SULT2A1: variants seen among roughly 807,000 people sequenced by gnomAD.
SULT2A1 encodes sulfotransferase family 2A member 1.
In SULT2A1, 43 loss-of-function variants were observed where a neutral mutation model predicts 33.9. That is an observed-to-expected ratio of 1.27 (90% CI 1.00 to 1.64). The LOEUF is 1.64. Among genes scored for constraint, SULT2A1 ranks in the 40% most tolerant of loss-of-function variants. The pLI, the probability that SULT2A1 is intolerant of heterozygous loss-of-function variation, is 0.00. For missense variants in SULT2A1, 300 were observed against 335.1 expected (o/e 0.90, Z 0.82); for synonymous variants, 125 against 113.6 (o/e 1.10, Z -0.64).
chr19:47,875,629 C>T (rs1254722569), intron 4 of SULT2A1, among the ~76,000 whole-genome samples: 3 of 152,004 alleles, frequency 2.0e-5, no homozygotes, highest in East Asian at 1.9e-4. Context: ...TGGAGTGAGA[C>T]CCTGTCTCAA....
At chr19:47,872,233 T>G (rs1968499780) in intron 5 of SULT2A1, among the ~76,000 whole-genome samples, 1 of 152,128 alleles carries the variant, frequency 6.6e-6, no homozygotes, top group African/African-American at 2.4e-5. Context: ...TCTGCTTTCA[T>G]AAGTTCTCTT....
intron 5 of SULT2A1, 149 bp downstream of exon 5, chr19:47,874,508 C>G: frequency 1.5e-6 from 1 of 645,342 alleles, no homozygotes; most frequent in Non-Finnish European, 2.5e-6. Context: ...CCACTGCACT[C>G]CAGCCTGGGT....
intron 1 of SULT2A1, among the ~76,000 whole-genome samples, chr19:47,884,875 T>C (rs538521239): frequency 7.3e-6 from 1 of 137,170 alleles, no homozygotes; most frequent in East Asian, 2.4e-4. Context: ...TGCAGTGGCA[T>C]GATCTTGGCT....
chr19:47,877,644 G>A (rs1197925474), intron 4 of SULT2A1, among the ~76,000 whole-genome samples: 1 of 151,082 alleles, frequency 6.6e-6, no homozygotes, highest in African/African-American at 2.4e-5. Context: ...CTTCCTCCTG[G>A]GTTCAAGTGA....
At chr19:47,884,203 G>C (rs1388922735) in intron 1 of SULT2A1, among the ~76,000 whole-genome samples, 3 of 149,222 alleles carry the variant, frequency 2.0e-5, no homozygotes, top group Non-Finnish European at 4.4e-5. Flanking sequence ...ACAGAGTCTT[G>C]CTCTGTCACC....
chr19:47,883,481 A>G, intron 2 of SULT2A1, 96 bp downstream of exon 2: 1 of 1,224,840 alleles, frequency 8.2e-7, no homozygotes, highest in Admixed American at 1.9e-5. Flanking sequence ...GACCTGTTGA[A>G]GGAGAATGCA....
chr19:47,883,889 T>C (rs560485849), intron 1 of SULT2A1, 104 bp from the exon 2 acceptor site: 2 of 1,048,454 alleles, frequency 1.9e-6, no homozygotes, highest in Non-Finnish European at 1.4e-6. Flanking sequence ...CAAGTGATCA[T>C]GAGGTCAGGG....
rs188803084 is a variant in SULT2A1 at position 47,879,673 on chromosome 19, G to T, written c.473-543C>A. ...AAACCATCATTCTGAGCAAACTATC[G>T]CAAGGACAGAAAACCAAACACCACA... On this transcript the variant is annotated intron_variant, in intron 3 of 5. Transcript: ENST00000222002. Among the ~76,000 whole-genome samples the T allele has an allele frequency of 5.3e-5, 8 of 151,142 alleles. No individual in the cohort carries two copies. The East Asian group carries it at 5.9e-4, about 11-fold the overall frequency.
Position 47,886,107 on chromosome 19 carries a change from A to T in SULT2A1, c.136+15T>A, listed in dbSNP as rs1314474353. On this transcript the variant is annotated intron_variant, in intron 1 of 5. Transcript: ENST00000222002. ...CAACCACAGCCTTTCTCAGTTCACG[A>T]TTCTGCCTCCTTACCTGATTTGGGG... 6.2e-7 allele frequency: 1 copy of T among 1,612,668 alleles called. No homozygotes were observed.
chr19:47,877,903 C>T (rs995372035), intron 4 of SULT2A1, among the ~76,000 whole-genome samples: 1 of 152,184 alleles, frequency 6.6e-6, no homozygotes, highest in Non-Finnish European at 1.5e-5. Context: ...ACAGCTTTTC[C>T]TCTCCGTCAC....
chr19:47,871,509 T>C lies in SULT2A1; in HGVS notation c.804A>G (p.Lys268=). The C allele has an allele frequency of 6.2e-7, 1 of 1,614,020 alleles. No individual in the cohort carries two copies. The highest frequency in any genetic ancestry group is 8.5e-7 in the Non-Finnish European group (1 of 1,180,010). ...FTVAQAEDFD[K]LFQEKMADLP... is the part of the protein sequence containing the mutation. ...GATCTGCCATCTTCTCTTGGAACAA[T>C]TTATCAAAGTCTTCAGCTTGGGCCA... The change falls in exon 6 of 6, where the codon AAA becomes AAG. Residue 268 remains lysine (K), a synonymous_variant. Transcript: ENST00000222002.
chr19:47,884,472 C>T (rs1457006490), intron 1 of SULT2A1, among the ~76,000 whole-genome samples: 3 of 108,512 alleles, frequency 2.8e-5, no homozygotes, highest in Non-Finnish European at 5.4e-5. Context: ...GCCACTGCGC[C>T]TGGCTTTTTT....
chr19:47,879,058 A>G lies in SULT2A1; in HGVS notation c.545T>C (p.Leu182Pro). ...TACCTGTTTCAGCTCCTCATAACTC[A>G]GTAACAGGAAGTTTTTCTCCTCTCT... ...PMREEKNFLL[L>P]SYEELKQDTG... is the part of the protein sequence containing the mutation. The change falls in exon 4 of 6, where the codon CTG becomes CCG. Residue 182 changes from leucine to proline, a missense_variant. Leu to Pro is a moderately conservative substitution (Grantham distance 98). Transcript: ENST00000222002. 1 of 1,613,022 alleles carries G rather than the reference A, an allele frequency of 6.2e-7. No individual in the cohort carries two copies. Among genetic ancestry groups the G allele is most frequent in the Admixed American group, 1.7e-5 (1 of 59,994 alleles).
At chr19:47,879,288 A>T (rs1968579364) in intron 3 of SULT2A1, among the ~76,000 whole-genome samples, 158 bp from the exon 4 acceptor site, 1 of 152,226 alleles carries the variant, frequency 6.6e-6, no homozygotes, top group Non-Finnish European at 1.5e-5. Flanking sequence ...GTATATATTT[A>T]CAGTATATAA....
At chr19:47,873,797 G>C (rs1434955089) in intron 5 of SULT2A1, among the ~76,000 whole-genome samples, 1 of 151,418 alleles carries the variant, frequency 6.6e-6, no homozygotes, top group Non-Finnish European at 1.5e-5. Context: ...CTAATTTTTT[G>C]TATTTTTAGT....
rs149334646 is a variant in SULT2A1, at chr19:47,884,645, G to A, written c.137-860C>T. On this transcript the variant is annotated intron_variant, in intron 1 of 5. Coordinates refer to ENST00000222002, the MANE Select transcript of SULT2A1 (RefSeq NM_003167.4). Reference sequence around the variant, plus strand: ...TCTGAGACCTCAGGCATGTGCCATCGCGCTGGGCTAATTTTTTGAAAAAAT... The same window carrying A: ...TCTGAGACCTCAGGCATGTGCCATCACGCTGGGCTAATTTTTTGAAAAAAT... Among the ~76,000 whole-genome samples the A allele has an allele frequency of 4.8e-4, 73 of 151,740 alleles. No individual in the cohort carries two copies. In the East Asian group the frequency reaches 0.013, roughly 27 times the overall value.
At chr19:47,874,978 G>C in intron 4 of SULT2A1, 144 bp from the exon 5 acceptor site, 2 of 648,416 alleles carry the variant, frequency 3.1e-6, no homozygotes, top group Non-Finnish European at 2.6e-6. Flanking sequence ...CCTGGCCAAC[G>C]TGGTGAAACC....
intron 3 of SULT2A1, among the ~76,000 whole-genome samples, chr19:47,881,124 C>T (rs1232643853): frequency 6.6e-6 from 1 of 152,068 alleles, no homozygotes; most frequent in African/African-American, 2.4e-5. Context: ...CCACCTCTAC[C>T]TCCTGGGTTC....
chr19:47,879,559 T>G (rs1968581581), intron 3 of SULT2A1, among the ~76,000 whole-genome samples: 1 of 151,848 alleles, frequency 6.6e-6, no homozygotes. Flanking sequence ...CCATCAGATC[T>G]CAAATGTGGC....
Sources: allele counts gnomAD v4.1 joint callset (sites outside exome capture counted in the v4.1 genomes callset), GRCh38; gene constraint gnomAD v4.1.1; transcripts MANE v1.5; gene names NCBI Gene and HGNC (gene_info 2026-07-23, HGNC 2026-07-21).